The following PRKAR1A variants were observed in gnomAD, a reference collection of about 807,000 sequenced individuals.
PRKAR1A encodes cAMP-dependent protein kinase type I-alpha regulatory subunit.
In PRKAR1A, 3 loss-of-function variants were observed where a neutral mutation model predicts 52.0. The ratio of observed to expected loss-of-function variants is 0.06; its 90% confidence interval spans 0.03 to 0.15. PRKAR1A has a LOEUF of 0.15. Ranked by LOEUF, PRKAR1A falls within the 10% of genes least tolerant of loss-of-function variation. The probability of loss-of-function intolerance (pLI) is 1.00; values close to 1 mark genes in which losing one functional copy is unlikely to be tolerated. For synonymous variants in PRKAR1A, 188 were observed against 168.4 expected, an observed-to-expected ratio of 1.12 and a Z score of -0.90; for missense variants, 240 against 477.4, an observed-to-expected ratio of 0.50 and a Z score of 4.63.
Position 68,532,470 on chromosome 17 carries a change from T to G in PRKAR1A, c.*2021T>G. On this transcript the variant is annotated 3_prime_UTR_variant, in exon 11 of 11. Coordinates refer to ENST00000589228, the MANE Select transcript of PRKAR1A (RefSeq NM_002734.5). ...AAAAACTTTAAAGATAAGTCTACAT[T>G]AAACAATGATCACATCTAAAGCTTT... The G allele has an allele frequency of 2.8e-6, 3 of 1,061,260 alleles. No individual in the cohort carries two copies. Among genetic ancestry groups the G allele is most frequent in the Non-Finnish European group, 3.4e-6 (3 of 875,294 alleles). 65.7% of individuals were successfully genotyped at this position (1,061,260 alleles called of 1,614,324 possible).
At chr17:68,451,396 T>G in the PRKAR1A span, among the ~76,000 whole-genome samples, 2 of 152,094 alleles carry the variant, frequency 1.3e-5, no homozygotes, top group Non-Finnish European at 2.9e-5. Context: ...ATCACAACAC[T>G]GCACTCCAGC....
intron 11 of PRKAR1A, chr17:68,543,746 C>T (rs2086419136): frequency 6.3e-7 from 1 of 1,595,936 alleles, no homozygotes; most frequent in Admixed American, 1.7e-5. Flanking sequence ...GGAATCACGC[C>T]CTGGACTCAG....
At chr17:68,510,624 G>C (rs878919432), upstream of PRKAR1A, among the ~76,000 whole-genome samples, 1 of 152,132 alleles carries the variant, frequency 6.6e-6, no homozygotes, top group Non-Finnish European at 1.5e-5. Context: ...GCTTGCCAGC[G>C]TAGGGTTCAG....
chr17:68,541,879 T>C, intron 11 of PRKAR1A: 1 of 1,354,560 alleles, frequency 7.4e-7, no homozygotes, highest in South Asian at 1.4e-5. Context: ...CAAAGGAGTA[T>C]TGAGGCAGCT....
the PRKAR1A span, among the ~76,000 whole-genome samples, chr17:68,491,082 A>ATTTC: frequency 0.51 from 72,050 of 140,696 alleles, 18,623 homozygotes; most frequent in African/African-American, 0.59. Context: ...AAAAATGATT[A>ATTTC]TTTCTTTCTT....
At chr17:68,478,511 C>T in the PRKAR1A span, among the ~76,000 whole-genome samples, 36 of 152,172 alleles carry the variant, frequency 2.4e-4, no homozygotes, top group Admixed American at 2.0e-3. Flanking sequence ...CTCAACACAT[C>T]GAAGGCAATA....
At chr17:68,491,810 G>C in the PRKAR1A span, among the ~76,000 whole-genome samples, 1 of 151,392 alleles carries the variant, frequency 6.6e-6, no homozygotes, top group Non-Finnish European at 1.5e-5. Flanking sequence ...GAAAAAAGTA[G>C]GTGGGATCCT....
chr17:68,429,276 A>G, the PRKAR1A span, among the ~76,000 whole-genome samples: 2 of 152,200 alleles, frequency 1.3e-5, no homozygotes, highest in Admixed American at 1.3e-4. Context: ...CAAGACAGAA[A>G]GGGGGTAAAT....
intron 2 of PRKAR1A, 44 bp from the exon 3 acceptor site, chr17:68,522,712 A>G: frequency 6.2e-7 from 1 of 1,605,148 alleles, no homozygotes; most frequent in Non-Finnish European, 8.5e-7. Flanking sequence ...TGCCAGCTTT[A>G]CATGCCGAAG....
chr17:68,535,840 T>TA (rs1442411610), downstream of PRKAR1A: 3 of 453,734 alleles, frequency 6.6e-6, no homozygotes, highest in East Asian at 7.0e-5. Context: ...TTTGACTTCA[T>TA]AAATTGGGTG....
At chr17:68,521,684 A>T (rs2085614828) in intron 2 of PRKAR1A, among the ~76,000 whole-genome samples, 1 of 152,262 alleles carries the variant, frequency 6.6e-6, no homozygotes. Flanking sequence ...ACATATTCAC[A>T]TATTTCAAAG....
chr17:68,426,894 C>T, the PRKAR1A span, among the ~76,000 whole-genome samples: 5 of 152,178 alleles, frequency 3.3e-5, no homozygotes, highest in Non-Finnish European at 5.9e-5. Flanking sequence ...AAGACCGTAT[C>T]GTGTGATGCC....
chr17:68,520,320 C>A (rs1227791296), intron 2 of PRKAR1A, among the ~76,000 whole-genome samples: 1 of 152,164 alleles, frequency 6.6e-6, no homozygotes, highest in African/African-American at 2.4e-5. Context: ...ATCGGGAAAA[C>A]ATAGTAGTGG....
Position 68,530,829 on chromosome 17 carries a change from T to A in PRKAR1A, c.*380T>A. 2 of 1,239,276 alleles carry A rather than the reference T, an allele frequency of 1.6e-6. No homozygotes were observed. The highest frequency in any genetic ancestry group is 2.0e-6 in the Non-Finnish European group (2 of 978,496). 76.8% of individuals were successfully genotyped at this position (1,239,276 alleles called of 1,614,324 possible). A position where few individuals can be genotyped will look rare whatever the true frequency, so the allele number is the denominator to read the frequency against. ...TTTAAGTGACATAATTGTCCAGTTA[T>A]AAGCGTATTTAGACTGTGGCCATAT... On this transcript the variant is annotated 3_prime_UTR_variant, in exon 11 of 11. Coordinates refer to ENST00000589228, the MANE Select transcript of PRKAR1A (RefSeq NM_002734.5).
the PRKAR1A span, among the ~76,000 whole-genome samples, chr17:68,495,191 T>TG: frequency 0.12 from 19,018 of 152,150 alleles, 1,223 homozygotes; most frequent in Middle Eastern, 0.16. Flanking sequence ...CATGCCCTGC[T>TG]AATTTTTTTA....
intron 11 of PRKAR1A, chr17:68,540,788 G>A (rs118054669): frequency 9.7e-6 from 15 of 1,550,330 alleles, no homozygotes; most frequent in Admixed American, 1.9e-5. Flanking sequence ...TCAAGGTCAC[G>A]GGGAACCCTA....
downstream of PRKAR1A, among the ~76,000 whole-genome samples, chr17:68,534,213 C>T (rs1234652607): frequency 2.4e-4 from 37 of 152,144 alleles, 1 homozygote; most frequent in Admixed American, 2.3e-3. Context: ...AAAACCAAAA[C>T]CACTGAGTAA....
chr17:68,491,664 A>G, the PRKAR1A span, among the ~76,000 whole-genome samples: 3 of 152,200 alleles, frequency 2.0e-5, no homozygotes. Context: ...CTCGGATTCA[A>G]GAGGGCAATA....
At chr17:68,426,254 G>GGGGGGT in the PRKAR1A span, 2 of 816,922 alleles carry the variant, frequency 2.4e-6, no homozygotes, top group Admixed American at 2.3e-5. Flanking sequence ...GGGAGCGGGG[G>GGGGGGT]CTCAAATAAA....
Sources: allele counts gnomAD v4.1 joint callset (sites outside exome capture counted in the v4.1 genomes callset), GRCh38; gene constraint gnomAD v4.1.1; transcripts MANE v1.5; gene names NCBI Gene and HGNC (gene_info 2026-07-23, HGNC 2026-07-21).